MALT1: variants seen among roughly 807,000 people sequenced by gnomAD.
The protein encoded by MALT1 is MALT1 paracaspase.
In MALT1, 36 loss-of-function variants were observed where a neutral mutation model predicts 85.5. That is an observed-to-expected ratio of 0.42 (90% CI 0.32 to 0.56). The LOEUF is 0.56. Ranked by LOEUF, MALT1 falls within the 20% of genes least tolerant of loss-of-function variation. MALT1 has a pLI of 0.10. For synonymous variants in MALT1, 359 were observed against 361.3 expected, an observed-to-expected ratio of 0.99 and a Z score of 0.07; for missense variants, 716 against 981.6, an observed-to-expected ratio of 0.73 and a Z score of 3.62.
intron 3 of MALT1, among the ~76,000 whole-genome samples, chr18:58,700,007 G>A (rs543574047): frequency 1.3e-5 from 2 of 152,222 alleles, no homozygotes; most frequent in Non-Finnish European, 2.9e-5. Flanking sequence ...ACTTGCCCAC[G>A]TCTTCCCAGC....
intron 2 of MALT1, chr18:58,690,542 A>G (rs1348589084): frequency 6.0e-6 from 1 of 166,714 alleles, no homozygotes; most frequent in Non-Finnish European, 1.4e-5. Flanking sequence ...TGTGAGAGAG[A>G]TGTACTTCAC....
chr18:58,719,314 T>G (rs975578980), intron 9 of MALT1, among the ~76,000 whole-genome samples: 6 of 146,392 alleles, frequency 4.1e-5, no homozygotes, highest in Non-Finnish European at 8.9e-5. Flanking sequence ...AAAATCTCCC[T>G]CCCTCTCTCT....
chr18:58,672,296 T>C (rs2054175969), intron 1 of MALT1: 1 of 156,274 alleles, frequency 6.4e-6, no homozygotes, highest in Admixed American at 6.5e-5. Context: ...AGGTGATGAA[T>C]GCAGAGGGTG....
intron 9 of MALT1, among the ~76,000 whole-genome samples, chr18:58,719,958 T>G (rs2144414078): frequency 6.6e-6 from 1 of 152,346 alleles, no homozygotes; most frequent in African/African-American, 2.4e-5. Context: ...TTAACTCTAT[T>G]TAGAAAAGTA....
chr18:58,715,413 A>G (rs542322292), intron 8 of MALT1, among the ~76,000 whole-genome samples: 2 of 152,124 alleles, frequency 1.3e-5, no homozygotes, highest in Non-Finnish European at 2.9e-5. Context: ...CCAGTAGTAC[A>G]AAGTTATCTC....
chr18:58,736,711 G>A (rs991115134), intron 13 of MALT1, among the ~76,000 whole-genome samples: 1 of 152,186 alleles, frequency 6.6e-6, no homozygotes, highest in Non-Finnish European at 1.5e-5. Flanking sequence ...GCTTTTCGCT[G>A]ATCTTTTTCA....
At chr18:58,703,057 T>C (rs1454760997) in intron 4 of MALT1, among the ~76,000 whole-genome samples, 1 of 152,114 alleles carries the variant, frequency 6.6e-6, no homozygotes, top group African/African-American at 2.4e-5. Context: ...GACGTTAAGG[T>C]TGTTGAGAAA....
At chr18:58,740,993 T>G (rs767051049) in intron 13 of MALT1, among the ~76,000 whole-genome samples, 38 of 151,866 alleles carry the variant, frequency 2.5e-4, no homozygotes, top group Non-Finnish European at 5.3e-4. Flanking sequence ...TTCAAATGCT[T>G]CTTCTCTTTT....
intron 4 of MALT1, among the ~76,000 whole-genome samples, chr18:58,704,871 T>G (rs2054723852): frequency 6.6e-6 from 1 of 152,224 alleles, no homozygotes; most frequent in African/African-American, 2.4e-5. Flanking sequence ...CTTTTTGCTC[T>G]AGTCTAGAAA....
At chr18:58,739,027 ATTT>A (rs2055264812) in intron 13 of MALT1, among the ~76,000 whole-genome samples, 1 of 152,150 alleles carries the variant, frequency 6.6e-6, no homozygotes, top group Non-Finnish European at 1.5e-5. Flanking sequence ...TTTTTTGAAA[ATTT>A]TTATTATGAA....
chr18:58,709,807 C>T (rs1055560106), intron 5 of MALT1, among the ~76,000 whole-genome samples, 169 bp from the exon 6 acceptor site: 4 of 152,178 alleles, frequency 2.6e-5, no homozygotes, highest in African/African-American at 9.6e-5. Flanking sequence ...GGAATCATTA[C>T]AACATTTACT....
Position 58,724,706 on chromosome 18 carries a change from A to C in MALT1, c.1222+1455A>C, listed in dbSNP as rs535262819. On this transcript the variant is annotated intron_variant, in intron 10 of 16. Transcript: ENST00000649217. Reference sequence around the variant, plus strand: ...ATTACCTTCAGGCTATGTGTATAATATGTATATGAAACATAAATGAGGCTG... The same window carrying C: ...ATTACCTTCAGGCTATGTGTATAATCTGTATATGAAACATAAATGAGGCTG... Among the ~76,000 whole-genome samples, 89 of 152,316 alleles carry C rather than the reference A, an allele frequency of 5.8e-4. 1 individual carries two copies. The highest frequency in any genetic ancestry group is 2.1e-3 in the African/African-American group (86 of 41,574).
At chr18:58,710,166 T>TA in intron 6 of MALT1, 94 bp downstream of exon 6, 1 of 676,340 alleles carries the variant, frequency 1.5e-6, no homozygotes, top group Non-Finnish European at 2.5e-6. Flanking sequence ...TTATACTTTT[T>TA]ACCCCATACT....
rs370043067 is a variant in MALT1, at chr18:58,742,088, T to C, written c.1753+74T>C. 4.9e-6 allele frequency: 6 copies of C among 1,233,778 alleles called. No individual in the cohort carries two copies. The African/African-American group carries it at 7.6e-5, about 16-fold the overall frequency. 76.4% of individuals were successfully genotyped at this position (1,233,778 alleles called of 1,614,324 possible). On this transcript the variant is annotated intron_variant, in intron 14 of 16. Transcript: ENST00000649217. ...AATCATAAAGTTTCTTCTGAATAAA[T>C]AACTTTCCTCCCAGTTTTACAGTGA... is the stretch of plus-strand genomic sequence containing the variant.
At chr18:58,740,345 A>G (rs773055560) in intron 13 of MALT1, among the ~76,000 whole-genome samples, 14 of 151,892 alleles carry the variant, frequency 9.2e-5, no homozygotes, top group Non-Finnish European at 1.9e-4. Context: ...TCTGCTGTTT[A>G]TTTATGTCTT....
intron 2 of MALT1, among the ~76,000 whole-genome samples, chr18:58,688,565 A>G (rs2054445674): frequency 7.1e-6 from 1 of 141,182 alleles, no homozygotes; most frequent in African/African-American, 2.7e-5. Flanking sequence ...AAAAAAAAAT[A>G]CTAATTTTAA....
intron 16 of MALT1, among the ~76,000 whole-genome samples, chr18:58,746,751 GGT>G (rs1311470723): frequency 6.7e-6 from 1 of 150,286 alleles, no homozygotes; most frequent in East Asian, 1.9e-4. Flanking sequence ...GTTTTGAGAT[GGT>G]GTCTCTCTCT....
chr18:58,734,426 A>C (rs367812596), intron 12 of MALT1, 45 bp downstream of exon 12: 4 of 1,516,966 alleles, frequency 2.6e-6, no homozygotes, highest in Non-Finnish European at 3.7e-6. Flanking sequence ...TTATTGTTTG[A>C]TGTCTTTTTG....
At chr18:58,681,856 A>G (rs1395759350) in intron 2 of MALT1, among the ~76,000 whole-genome samples, 1 of 152,148 alleles carries the variant, frequency 6.6e-6, no homozygotes, top group Non-Finnish European at 1.5e-5. Flanking sequence ...AATTACCGAT[A>G]TTGGATGAGG....
Sources: allele counts gnomAD v4.1 joint callset (sites outside exome capture counted in the v4.1 genomes callset), GRCh38; gene constraint gnomAD v4.1.1; transcripts MANE v1.5; gene names NCBI Gene and HGNC (gene_info 2026-07-23, HGNC 2026-07-21).